Variants in SRGAP2B observed in about 807,000 individuals in gnomAD.
SRGAP2B encodes SLIT-ROBO Rho GTPase activating protein 2B.
A neutral mutation model predicts 22.2 loss-of-function variants in SRGAP2B; 9 were observed. That is an observed-to-expected ratio of 0.41 (90% confidence interval 0.24 to 0.71). SRGAP2B has a LOEUF of 0.71. SRGAP2B is among the 30% of genes least tolerant of loss of function. The pLI is 0.35. For synonymous variants in SRGAP2B, 36 were observed against 87.4 expected, an observed-to-expected ratio of 0.41 and a Z score of 3.28; for missense variants, 114 against 235.8, an observed-to-expected ratio of 0.48 and a Z score of 3.38.
intron 2 of SRGAP2B, among the ~76,000 whole-genome samples, chr1:145,064,405 G>A (rs1466218725): frequency 6.7e-6 from 1 of 148,424 alleles, no homozygotes; most frequent in Non-Finnish European, 1.5e-5. Context: ...AAAGATGGAG[G>A]CCAGGGATGG....
intron 5 of SRGAP2B, among the ~76,000 whole-genome samples, chr1:144,913,094 T>C (rs1338184956): frequency 6.9e-6 from 1 of 145,898 alleles, no homozygotes. Context: ...CTTTCACTTA[T>C]TTTTTTTTTT....
In SRGAP2B at chr1:144,971,288, G is replaced by A. The variant is rs1368696477; in HGVS notation, c.261-15687C>T. 2.2e-4 allele frequency among the ~76,000 whole-genome samples: 32 copies of A among 148,610 alleles called. 2 individuals carry two copies. The highest frequency in any genetic ancestry group is 3.5e-4 in the Non-Finnish European group (24 of 67,630). On this transcript the variant is annotated intron_variant, in intron 3 of 9. Coordinates refer to ENST00000612199, the Ensembl canonical transcript of SRGAP2B. ...TGGGATTACAGGCATGTGCCACCAC[G>A]CTCGGCTAATTTTGTGTTTTTTAGT...
At chr1:144,969,942 T>C (rs587730461) in intron 3 of SRGAP2B, among the ~76,000 whole-genome samples, 2 of 150,568 alleles carry the variant, frequency 1.3e-5, no homozygotes, top group African/African-American at 5.0e-5. Flanking sequence ...AAAACCACTA[T>C]TGAGATATCA....
intron 2 of SRGAP2B, among the ~76,000 whole-genome samples, chr1:144,998,797 G>A (rs1433885781): frequency 1.3e-5 from 2 of 150,968 alleles, no homozygotes; most frequent in African/African-American, 4.9e-5. Context: ...TCTATCCAGG[G>A]AAAAATGTGC....
intron 4 of SRGAP2B, among the ~76,000 whole-genome samples, chr1:144,931,628 C>T (rs1230456383): frequency 1.3e-5 from 2 of 150,940 alleles, no homozygotes; most frequent in African/African-American, 2.5e-5. Flanking sequence ...AAAACTCAAT[C>T]AGCTTTAGAT....
rs1348528218 is a variant in SRGAP2B at position 145,031,803 on chromosome 1, C to T, written c.68-36603G>A. Among the ~76,000 whole-genome samples the T allele has an allele frequency of 2.8e-4, 39 of 139,916 alleles. No individual in the cohort carries two copies. The South Asian group carries it at 6.3e-3, about 23-fold the overall frequency. 91.8% of individuals were successfully genotyped at this position (139,916 alleles called of 152,430 possible). On this transcript the variant is annotated intron_variant, in intron 2 of 9. Transcript: ENST00000612199. ...CGGAGCTTGCAGTGAGCCAAGATTGCGCCACTGCACTCCAGCCTGGGCGAC... is the reference window on the plus strand; with the variant it reads ...CGGAGCTTGCAGTGAGCCAAGATTGTGCCACTGCACTCCAGCCTGGGCGAC...
chr1:145,084,610 C>G (rs1553635174), intron 2 of SRGAP2B, among the ~76,000 whole-genome samples: 4 of 151,378 alleles, frequency 2.6e-5, no homozygotes, highest in Non-Finnish European at 5.9e-5. Flanking sequence ...AAACATCCAA[C>G]AGACAGCAAA....
chr1:145,003,240 T>TA (rs1329226873), intron 2 of SRGAP2B, among the ~76,000 whole-genome samples: 5 of 135,258 alleles, frequency 3.7e-5, no homozygotes, highest in South Asian at 5.2e-4. Flanking sequence ...AAAATAAAAA[T>TA]AAAAAAAAAG....
intron 3 of SRGAP2B, among the ~76,000 whole-genome samples, chr1:144,992,190 C>G (rs1270308508): frequency 6.6e-6 from 1 of 150,444 alleles, no homozygotes; most frequent in African/African-American, 2.5e-5. Context: ...ACGAACCCAC[C>G]AGAAGGAAGA....
At chr1:144,934,379 G>C (rs1570777431) in intron 4 of SRGAP2B, among the ~76,000 whole-genome samples, 2 of 135,498 alleles carry the variant, frequency 1.5e-5, no homozygotes, top group South Asian at 2.3e-4. Context: ...CTCCAGCCTG[G>C]GCAACAAGAG....
intron 5 of SRGAP2B, among the ~76,000 whole-genome samples, chr1:144,909,581 C>T (rs1272724525): frequency 7.5e-5 from 11 of 146,312 alleles, no homozygotes; most frequent in Non-Finnish European, 1.5e-4. Context: ...AGCGAGACTC[C>T]ATCTCAAAAA....
chr1:144,971,719 C>G (rs1668540328), intron 3 of SRGAP2B, among the ~76,000 whole-genome samples: 1 of 150,598 alleles, frequency 6.6e-6, no homozygotes, highest in South Asian at 2.1e-4. Context: ...AGAGAAAAGG[C>G]CAGAGTGTAC....
At chr1:144,981,017 T>C (rs1295848044) in intron 3 of SRGAP2B, among the ~76,000 whole-genome samples, 2 of 147,520 alleles carry the variant, frequency 1.4e-5, no homozygotes, top group Admixed American at 1.4e-4. Context: ...CATGTGTTCT[T>C]ATTATTCTCT....
chr1:144,966,612 T>C, intron 3 of SRGAP2B, among the ~76,000 whole-genome samples: 1 of 146,544 alleles, frequency 6.8e-6, no homozygotes, highest in Middle Eastern at 3.4e-3. Flanking sequence ...GCTAACATCA[T>C]AATGACAGGA....
intron 4 of SRGAP2B, among the ~76,000 whole-genome samples, chr1:144,940,821 C>G (rs1450610272): frequency 7.9e-6 from 1 of 126,604 alleles, no homozygotes; most frequent in African/African-American, 3.0e-5. Flanking sequence ...AAAAAAAAGA[C>G]AACATAGCCA....
At chr1:144,966,561 T>C (rs1208676195) in intron 3 of SRGAP2B, among the ~76,000 whole-genome samples, 2 of 146,650 alleles carry the variant, frequency 1.4e-5, no homozygotes, top group Non-Finnish European at 2.9e-5. Context: ...ACACCATCGA[T>C]GCTAGGAAGA....
intron 3 of SRGAP2B, among the ~76,000 whole-genome samples, chr1:144,988,998 AC>A (rs1669967379): frequency 5.4e-5 from 3 of 55,272 alleles, no homozygotes; most frequent in African/African-American, 2.4e-4. Context: ...CACTCCCCCC[AC>A]TTTTTTTTTT....
chr1:145,031,878 C>T (rs1387108132), intron 2 of SRGAP2B, among the ~76,000 whole-genome samples: 7 of 141,188 alleles, frequency 5.0e-5, no homozygotes, highest in African/African-American at 1.9e-4. Context: ...GTAAGTTTTG[C>T]TGGAAAGATT....
chr1:144,976,686 A>T (rs1668931735), intron 3 of SRGAP2B, among the ~76,000 whole-genome samples: 1 of 143,398 alleles, frequency 7.0e-6, no homozygotes, highest in East Asian at 2.0e-4. Flanking sequence ...ACATATCAAT[A>T]AGACACAGAA....
Sources: allele counts gnomAD v4.1 joint callset (sites outside exome capture counted in the v4.1 genomes callset), GRCh38; gene constraint gnomAD v4.1.1; transcripts MANE v1.5; gene names NCBI Gene and HGNC (gene_info 2026-07-23, HGNC 2026-07-21).